Variants in PBX4 observed in about 807,000 individuals in gnomAD.
PBX4 encodes PBX homeobox 4.
PBX4 carries 26 observed loss-of-function variants against 35.1 expected under a neutral mutation model. The ratio of observed to expected loss-of-function variants is 0.74; its 90% CI spans 0.54 to 1.03. The LOEUF (loss-of-function observed/expected upper bound fraction) is 1.03, where lower values mean the gene tolerates loss of function less well. Ranked by LOEUF, PBX4 falls within the 50% of genes least tolerant of loss-of-function variation. The pLI is 0.00. For missense variants in PBX4, 448 were observed against 504.3 expected (o/e 0.89, Z 1.07); for synonymous variants, 199 against 204.2 (o/e 0.97, Z 0.22).
At chr19:19,576,577 A>C (rs1333161604) in intron 2 of PBX4, among the ~76,000 whole-genome samples, 2 of 152,030 alleles carry the variant, frequency 1.3e-5, no homozygotes, top group African/African-American at 4.8e-5. Context: ...CAAACATCTG[A>C]GAGCCCATCA....
intron 4 of PBX4, 124 bp downstream of exon 4, chr19:19,569,985 T>G (rs2061370554): frequency 1.1e-6 from 1 of 889,796 alleles, no homozygotes; most frequent in African/African-American, 1.7e-5. Context: ...CCCAAGAGGC[T>G]GTGAGGCCTC....
intron 1 of PBX4, among the ~76,000 whole-genome samples, chr19:19,613,976 G>T (rs1428566397): frequency 6.6e-6 from 1 of 152,028 alleles, no homozygotes; most frequent in Non-Finnish European, 1.5e-5. Context: ...CTTCTCAGTG[G>T]GCTCCAAGAA....
intron 1 of PBX4, among the ~76,000 whole-genome samples, chr19:19,609,775 C>G (rs1462161336): frequency 6.6e-6 from 1 of 151,896 alleles, no homozygotes; most frequent in Admixed American, 6.6e-5. Flanking sequence ...GGCGTGAACC[C>G]GGGGGGCGGA....
At chr19:19,595,056 T>C (rs1307280822) in intron 2 of PBX4, among the ~76,000 whole-genome samples, 1 of 152,176 alleles carries the variant, frequency 6.6e-6, no homozygotes, top group Non-Finnish European at 1.5e-5. Context: ...TTTTTTATTA[T>C]TACTAAATTC....
intron 3 of PBX4, 114 bp from the exon 4 acceptor site, chr19:19,570,413 G>T: frequency 1.4e-6 from 2 of 1,436,862 alleles, no homozygotes; most frequent in Non-Finnish European, 1.9e-6. Flanking sequence ...CACACCGGCG[G>T]GTGACTGTTA....
chr19:19,586,337 T>C (rs1600421189), intron 2 of PBX4, among the ~76,000 whole-genome samples: 1 of 151,978 alleles, frequency 6.6e-6, no homozygotes, highest in Non-Finnish European at 1.5e-5. Flanking sequence ...CACCTGAACC[T>C]GGGAAGTCAA....
chr19:19,566,413 A>G (rs2061342228), intron 5 of PBX4, among the ~76,000 whole-genome samples: 1 of 152,252 alleles, frequency 6.6e-6, no homozygotes, highest in African/African-American at 2.4e-5. Context: ...TCCTACAGGC[A>G]TGGAGACGTC....
rs1439417563 is a variant in PBX4, at chr19:19,563,754, C to T, written c.926-139G>A. 20 of 723,554 alleles carry T rather than the reference C, an allele frequency of 2.8e-5. No homozygotes were observed. The highest frequency in any genetic ancestry group is 1.7e-4 in the Admixed American group (8 of 47,642). 44.8% of individuals were successfully genotyped at this position (723,554 alleles called of 1,614,324 possible). A position where few individuals can be genotyped will look rare whatever the true frequency, so the allele number is the denominator to read the frequency against. On this transcript the variant is annotated intron_variant, in intron 6 of 7. Coordinates refer to ENST00000251203, the MANE Select transcript of PBX4 (RefSeq NM_025245.3). The surrounding 1 kb of genome is among the most constrained non-coding windows in gnomAD (Gnocchi z 5.1). ...TCCGGCCTCTGCTCCTCAGCCCCCACCCAGGCAGGCCAGCGGGCCCTCCCC... is the reference window on the plus strand; with the variant it reads ...TCCGGCCTCTGCTCCTCAGCCCCCATCCAGGCAGGCCAGCGGGCCCTCCCC...
At chr19:19,575,176 G>C (rs1774884124) in intron 2 of PBX4, among the ~76,000 whole-genome samples, 1 of 150,910 alleles carries the variant, frequency 6.6e-6, no homozygotes, top group African/African-American at 2.4e-5. Context: ...GGTGGAGCTT[G>C]CAGTGAGCCG....
intron 1 of PBX4, among the ~76,000 whole-genome samples, chr19:19,610,579 C>T (rs954728118): frequency 3.3e-5 from 5 of 151,844 alleles, no homozygotes; most frequent in African/African-American, 7.3e-5. Context: ...GGTGAAACCT[C>T]GTTTCAACTA....
intron 1 of PBX4, among the ~76,000 whole-genome samples, chr19:19,613,024 C>T (rs917745021): frequency 3.3e-5 from 5 of 151,770 alleles, no homozygotes; most frequent in African/African-American, 9.7e-5. Context: ...GGTTTCTCCA[C>T]GTTGCACAGG....
chr19:19,573,330 TACACACACACAC>T (rs397838081), intron 2 of PBX4, among the ~76,000 whole-genome samples: 23 of 133,378 alleles, frequency 1.7e-4, no homozygotes, highest in East Asian at 2.2e-4. Flanking sequence ...AAAAAAAATA[TACACACACACAC>T]ACACACACAC....
At position 19,570,839 on chromosome 19, in the gene PBX4, T is replaced by C. The variant is rs1216013148; in HGVS notation, c.194-6A>G. On this transcript the variant is annotated splice_region_variant and splice_polypyrimidine_tract_variant and intron_variant, in intron 2 of 7. Transcript: ENST00000251203. ...AATGCCACGGATGCTTACCACTAGA[T>C]AAGAGAGACCGGGACAAGTCACAAT... 1 of 1,612,828 alleles carries C rather than the reference T, an allele frequency of 6.2e-7. No individual in the cohort carries two copies. Among genetic ancestry groups the C allele is most frequent in the African/African-American group, 1.3e-5 (1 of 74,866 alleles).
chr19:19,586,874 T>G (rs530708622), intron 2 of PBX4, among the ~76,000 whole-genome samples: 1 of 151,606 alleles, frequency 6.6e-6, no homozygotes, highest in Non-Finnish European at 1.5e-5. Flanking sequence ...AAGGTTACAG[T>G]GAGCCGAGAT....
intron 2 of PBX4, among the ~76,000 whole-genome samples, chr19:19,583,365 C>T (rs988576206): frequency 1.3e-5 from 2 of 152,126 alleles, no homozygotes; most frequent in African/African-American, 2.4e-5. Context: ...AATCCCAGCA[C>T]TTTGGGAGGC....
rs544430358 is a variant in PBX4 at position 19,575,162 on chromosome 19, G to A, written c.194-4329C>T. 2.8e-4 allele frequency among the ~76,000 whole-genome samples: 43 copies of A among 151,852 alleles called. 1 individual carries two copies. The highest frequency in any genetic ancestry group is 6.3e-4 in the South Asian group (3 of 4,780). ...TGAGGCAGGAGAATGGCGTGCACCC[G>A]GGAGGTGGAGCTTGCAGTGAGCCGA... On this transcript the variant is annotated intron_variant, in intron 2 of 7. Coordinates refer to ENST00000251203, the MANE Select transcript of PBX4 (RefSeq NM_025245.3).
chr19:19,602,737 G>GT (rs112277891), intron 1 of PBX4, among the ~76,000 whole-genome samples: 57,929 of 150,434 alleles, frequency 0.39, 11,338 homozygotes, highest in Non-Finnish European at 0.4. Context: ...TATTAATTAT[G>GT]TTTTTTTTTT....
chr19:19,578,015 TAAAA>T (rs34023797), intron 2 of PBX4, among the ~76,000 whole-genome samples: 4 of 73,380 alleles, frequency 5.5e-5, no homozygotes, highest in South Asian at 5.1e-4. Context: ...CCATCTCTAC[TAAAA>T]AAAAAAAAAA....
At chr19:19,575,215 C>G (rs558050922) in intron 2 of PBX4, among the ~76,000 whole-genome samples, 1 of 140,712 alleles carries the variant, frequency 7.1e-6, no homozygotes, top group East Asian at 2.2e-4. Flanking sequence ...CCAGCCTGGG[C>G]AACAGAGCGA....
Sources: allele counts gnomAD v4.1 joint callset (sites outside exome capture counted in the v4.1 genomes callset), GRCh38; gene constraint gnomAD v4.1.1; non-coding constraint Gnocchi (gnomAD v3.1); transcripts MANE v1.5; gene names NCBI Gene and HGNC (gene_info 2026-07-23, HGNC 2026-07-21).